The following COL19A1 variants were observed in gnomAD, a reference collection of about 807,000 sequenced individuals.
COL19A1 encodes collagen type XIX alpha 1 chain, also known as collagen alpha-1(XIX) chain.
In COL19A1, 159 loss-of-function variants were observed where a neutral mutation model predicts 190.2. The observed-to-expected ratio is 0.84, with a 90% CI of 0.73 to 0.95. COL19A1 has a LOEUF of 0.95. Ranked by LOEUF, COL19A1 falls within the 40% of genes least tolerant of loss-of-function variation. COL19A1 has a pLI of 0.00. For missense variants in COL19A1, 1,418 were observed against 1,431.9 expected, an observed-to-expected ratio of 0.99 and a Z score of 0.16; for synonymous variants, 509 against 458.9, an observed-to-expected ratio of 1.11 and a Z score of -1.39.
intron 2 of COL19A1, chr6:69,891,014 A>C (rs953712598): frequency 9.4e-5 from 33 of 350,516 alleles, no homozygotes; most frequent in Non-Finnish European, 1.6e-4. Flanking sequence ...TCCTAGCAGA[A>C]GGGGCCATTG....
At position 70,142,093 on chromosome 6, in the gene COL19A1, T is replaced by C; in HGVS notation, c.1572+17T>C. 6.2e-7 allele frequency: 1 copy of C among 1,602,134 alleles called. No homozygotes were observed. The highest frequency in any genetic ancestry group is 8.5e-7 in the Non-Finnish European group (1 of 1,171,802). On this transcript the variant is annotated intron_variant, in intron 22 of 50. Coordinates refer to ENST00000620364, the MANE Select transcript of COL19A1 (RefSeq NM_001858.6). ...GGACTAAAGGTATATAAGAAATAACTAAGATTTCTTGGGAAATAATTTGGG... is the reference window on the plus strand; with the variant it reads ...GGACTAAAGGTATATAAGAAATAACCAAGATTTCTTGGGAAATAATTTGGG...
intron 16 of COL19A1, among the ~76,000 whole-genome samples, chr6:70,119,750 T>C (rs1025668309): frequency 1.3e-5 from 2 of 152,172 alleles, no homozygotes; most frequent in Non-Finnish European, 2.9e-5. Context: ...AGGACTAAAT[T>C]AGTTAATTCC....
chr6:69,982,497 C>T (rs888686969), intron 11 of COL19A1, among the ~76,000 whole-genome samples: 4 of 151,770 alleles, frequency 2.6e-5, no homozygotes, highest in Non-Finnish European at 5.9e-5. Flanking sequence ...CCTCGGCCTC[C>T]CACAGTGCTG....
At chr6:70,149,235 A>C (rs1046852921) in intron 27 of COL19A1, among the ~76,000 whole-genome samples, 2 of 151,976 alleles carry the variant, frequency 1.3e-5, no homozygotes, top group African/African-American at 4.8e-5. Context: ...TTTATCCGAA[A>C]TTCTAATTTT....
At chr6:69,935,424 G>T (rs1214146770) in intron 7 of COL19A1, among the ~76,000 whole-genome samples, 1 of 151,996 alleles carries the variant, frequency 6.6e-6, no homozygotes, top group African/African-American at 2.4e-5. Context: ...GTGGGTCTTG[G>T]TTATCTGACT....
intron 11 of COL19A1, among the ~76,000 whole-genome samples, chr6:69,989,758 T>G (rs1054339775): frequency 6.6e-6 from 1 of 152,096 alleles, no homozygotes; most frequent in African/African-American, 2.4e-5. Context: ...CAGAATGGTC[T>G]AGGTTCAAAC....
intron 11 of COL19A1, among the ~76,000 whole-genome samples, chr6:70,007,393 T>G (rs1026429725): frequency 6.6e-6 from 1 of 152,062 alleles, no homozygotes; most frequent in Non-Finnish European, 1.5e-5. Context: ...TACAAAGATG[T>G]ACTATGTAAA....
intron 15 of COL19A1, among the ~76,000 whole-genome samples, chr6:70,094,503 G>C (rs3806024): frequency 0.016 from 2,420 of 152,142 alleles, 39 homozygotes; most frequent in Non-Finnish European, 0.026. Flanking sequence ...CATTTTGTGG[G>C]TTTGGGGTCT....
intron 15 of COL19A1, 74 bp from the exon 16 acceptor site, chr6:70,102,095 C>G (rs994278492): frequency 1.8e-6 from 2 of 1,134,908 alleles, no homozygotes; most frequent in Admixed American, 1.7e-5. Context: ...CTTCAATATT[C>G]CCATTTAATA....
chr6:70,134,065 C>G (rs963533571), intron 18 of COL19A1, among the ~76,000 whole-genome samples: 12 of 152,236 alleles, frequency 7.9e-5, no homozygotes, highest in African/African-American at 2.9e-4. Flanking sequence ...TCTCAGCTTT[C>G]TACTTTTATT....
At chr6:70,190,525 C>G (rs1766800273) in intron 48 of COL19A1, 144 bp downstream of exon 48, 1 of 611,650 alleles carries the variant, frequency 1.6e-6, no homozygotes, top group East Asian at 2.9e-5. Context: ...TGGGACAGCT[C>G]TTTGATGAAA....
intron 4 of COL19A1, among the ~76,000 whole-genome samples, chr6:69,921,551 CATAT>C (rs577601103): frequency 9.0e-6 from 1 of 111,326 alleles, no homozygotes; most frequent in South Asian, 2.9e-4. Flanking sequence ...CATATATATT[CATAT>C]ATATATTCGT....
intron 31 of COL19A1, among the ~76,000 whole-genome samples, chr6:70,152,508 A>G (rs1190822623): frequency 6.6e-6 from 1 of 152,162 alleles, no homozygotes; most frequent in Non-Finnish European, 1.5e-5. Flanking sequence ...AGTTTTTATA[A>G]GCCAGAGAAG....
At chr6:70,140,252 CCTGTATA>C (rs1485032468) in intron 19 of COL19A1, among the ~76,000 whole-genome samples, 45 of 151,886 alleles carry the variant, frequency 3.0e-4, no homozygotes, top group Non-Finnish European at 1.5e-5. Context: ...TATGCATTCT[CCTGTATA>C]CTTCAAATCA....
chr6:69,950,540 A>G (rs1774064267), intron 9 of COL19A1, among the ~76,000 whole-genome samples: 1 of 151,786 alleles, frequency 6.6e-6, no homozygotes, highest in Non-Finnish European at 1.5e-5. Flanking sequence ...TCTGTGTAGC[A>G]GTATTATTAG....
At chr6:70,127,697 A>T (rs1196876082) in intron 17 of COL19A1, among the ~76,000 whole-genome samples, 1 of 152,198 alleles carries the variant, frequency 6.6e-6, no homozygotes, top group Admixed American at 6.5e-5. Context: ...GGTGGCAGAC[A>T]TCAGAAGAGT....
intron 12 of COL19A1, among the ~76,000 whole-genome samples, chr6:70,029,906 A>G (rs1266955857): frequency 6.6e-6 from 1 of 152,184 alleles, no homozygotes; most frequent in Non-Finnish European, 1.5e-5. Context: ...TGCCTACCGT[A>G]TGCTAAATGT....
chr6:69,995,671 A>G (rs1287169079), intron 11 of COL19A1, among the ~76,000 whole-genome samples: 1 of 152,158 alleles, frequency 6.6e-6, no homozygotes, highest in Non-Finnish European at 1.5e-5. Flanking sequence ...GTAGTGGACT[A>G]TTAACTAGAT....
chr6:70,006,539 G>T (rs2150089984), intron 11 of COL19A1, among the ~76,000 whole-genome samples: 1 of 152,230 alleles, frequency 6.6e-6, no homozygotes, highest in African/African-American at 2.4e-5. Flanking sequence ...CGCTTATTAT[G>T]GTTCTTTTCT....
Sources: gnomAD v4.1 joint callset for allele counts (sites outside exome capture counted in the v4.1 genomes callset) on GRCh38, gnomAD v4.1.1 for gene constraint, MANE v1.5 for transcripts, NCBI Gene and HGNC (gene_info 2026-07-23, HGNC 2026-07-21) for gene names.